SERBP1: variants seen among roughly 807,000 people sequenced by gnomAD.
SERBP1 encodes SERPINE1 mRNA binding protein 1.
In SERBP1, 6 loss-of-function variants were observed where a neutral mutation model predicts 50.2. The ratio of observed to expected loss-of-function variants is 0.12; its 90% CI spans 0.07 to 0.24. The LOEUF (loss-of-function observed/expected upper bound fraction) is 0.24. SERBP1 is among the 10% of genes least tolerant of loss of function. The pLI is 1.00. For missense variants in SERBP1, 346 were observed against 524.9 expected, an observed-to-expected ratio of 0.66 and a Z score of 3.33; for synonymous variants, 168 against 182.8, an observed-to-expected ratio of 0.92 and a Z score of 0.65.
intron 6 of SERBP1, among the ~76,000 whole-genome samples, chr1:67,419,300 C>G (rs1032594419): frequency 4.6e-5 from 7 of 152,162 alleles, no homozygotes; most frequent in Non-Finnish European, 8.8e-5. Context: ...AATGTGTTAA[C>G]TGGTTATGTT....
intron 6 of SERBP1, among the ~76,000 whole-genome samples, chr1:67,415,871 G>C (rs1284976919): frequency 6.6e-6 from 1 of 152,142 alleles, no homozygotes; most frequent in African/African-American, 2.4e-5. Context: ...AGCATTTTCT[G>C]TTAATACACA....
At chr1:67,415,885 A>G (rs1391344987) in intron 6 of SERBP1, among the ~76,000 whole-genome samples, 1 of 152,192 alleles carries the variant, frequency 6.6e-6, no homozygotes. Flanking sequence ...ATACACAACC[A>G]CTACGTTTTT....
At chr1:67,424,156 G>A in intron 5 of SERBP1, 44 bp downstream of exon 5, 1 of 1,555,748 alleles carries the variant, frequency 6.4e-7, no homozygotes. Flanking sequence ...AAACTCCAGT[G>A]CTTTCAATTC....
intron 7 of SERBP1, among the ~76,000 whole-genome samples, chr1:67,413,704 C>T (rs1402219317): frequency 1.3e-5 from 2 of 150,228 alleles, no homozygotes; most frequent in East Asian, 1.9e-4. Flanking sequence ...TGTATCAAGA[C>T]AAAATTATGG....
chr1:67,414,401 A>G (rs1435755193), intron 7 of SERBP1, among the ~76,000 whole-genome samples: 2 of 152,206 alleles, frequency 1.3e-5, no homozygotes, highest in Non-Finnish European at 2.9e-5. Context: ...GGAGGAACAA[A>G]GTATCATTAC....
At chr1:67,420,231 T>C (rs1261033747) in intron 5 of SERBP1, 45 bp from the exon 6 acceptor site, 1 of 1,373,408 alleles carries the variant, frequency 7.3e-7, no homozygotes, top group Non-Finnish European at 1.0e-6. Flanking sequence ...AGAGCTGATA[T>C]TACATAAAAG....
chr1:67,414,782 A>G (rs971963822), intron 7 of SERBP1, among the ~76,000 whole-genome samples: 2 of 152,238 alleles, frequency 1.3e-5, no homozygotes, highest in African/African-American at 4.8e-5. Flanking sequence ...AGGAATTATC[A>G]AAGTGAACAG....
chr1:67,425,292 A>T (rs1046150985), intron 2 of SERBP1, 69 bp from the exon 3 acceptor site: 6 of 1,419,126 alleles, frequency 4.2e-6, no homozygotes, highest in Non-Finnish European at 5.7e-6. Flanking sequence ...CATCCAAAAG[A>T]TCAAAAATAC....
At chr1:67,424,141 T>C in intron 5 of SERBP1, 59 bp downstream of exon 5, 1 of 1,530,332 alleles carries the variant, frequency 6.5e-7, no homozygotes, top group Non-Finnish European at 8.8e-7. Context: ...GTTATCTTAT[T>C]GGTAAAACTC....
chr1:67,430,033 C>T lies in SERBP1; in HGVS notation c.268G>A (p.Asp90Asn). Residue 90 changes from aspartate (D) to asparagine (N), a missense_variant, in exon 1 of 8, where the codon GAC becomes AAC. Asp to Asn is a conservative substitution (Grantham distance 23). Coordinates refer to ENST00000361219, the MANE Select transcript of SERBP1 (RefSeq NM_001018069.2). ...NPLPPSVGVV[D>N]KKEETQPPVA... ...GGCGGCTGCGTCTCCTCTTTCTTGT[C>T]AACCACGCCAACGCTGGGGGGCAGC... The T allele has an allele frequency of 1.2e-6, 2 of 1,612,804 alleles. No individual in the cohort carries two copies. Among genetic ancestry groups the T allele is most frequent in the Non-Finnish European group, 1.7e-6 (2 of 1,179,538 alleles).
chr1:67,414,668 C>T (rs1226216926), intron 7 of SERBP1, among the ~76,000 whole-genome samples: 1 of 152,106 alleles, frequency 6.6e-6, no homozygotes, highest in Admixed American at 6.5e-5. Flanking sequence ...CCAGCTCTCA[C>T]AGAAGAGTCT....
At chr1:67,417,290 C>T (rs182644663) in intron 6 of SERBP1, 16 of 151,908 alleles carry the variant, frequency 1.1e-4, no homozygotes, top group African/African-American at 3.4e-4. Flanking sequence ...AAGGATGACA[C>T]GCAAAACTGT....
At chr1:67,422,107 A>AT (rs1451469334) in intron 5 of SERBP1, among the ~76,000 whole-genome samples, 2 of 152,192 alleles carry the variant, frequency 1.3e-5, no homozygotes, top group Non-Finnish European at 2.9e-5. Flanking sequence ...AATACCATGT[A>AT]TTTTTATCTA....
At chr1:67,422,283 G>C (rs2100430583) in intron 5 of SERBP1, among the ~76,000 whole-genome samples, 2 of 152,228 alleles carry the variant, frequency 1.3e-5, no homozygotes, top group East Asian at 3.9e-4. Context: ...GGAGGCCAAG[G>C]AGGGCAGATC....
Position 67,415,172 on chromosome 1 carries a change from G to T in SERBP1, c.1119C>A (p.Thr373=). The stretch of plus-strand genomic sequence containing the variant: ...AAAGAAAGTCTTAAATTACCTTGTC[G>T]GTCCTGCTGCCACGGTTTGGGCGCC... ...RGGRPNRGSR[T]DKSSASAPDV... is the part of the protein sequence containing the mutation. Residue 373 remains threonine (T), a synonymous_variant, in exon 7 of 8, where the codon ACC becomes ACA. Coordinates refer to ENST00000361219, the MANE Select transcript of SERBP1 (RefSeq NM_001018069.2). 3 of 1,580,554 alleles carry T rather than the reference G, an allele frequency of 1.9e-6. No homozygotes were observed. The highest frequency in any genetic ancestry group is 2.0e-5 in the Admixed American group (1 of 51,194).
chr1:67,415,518 G>A (rs1666976244), intron 6 of SERBP1, among the ~76,000 whole-genome samples, 179 bp from the exon 7 acceptor site: 1 of 152,198 alleles, frequency 6.6e-6, no homozygotes, highest in African/African-American at 2.4e-5. Context: ...CCTGGAGGAA[G>A]ATTTTCCTGC....
chr1:67,408,712 G>A lies in SERBP1; in HGVS notation c.*4495C>T, dbSNP rs960350323. On this transcript the variant is annotated 3_prime_UTR_variant, in exon 8 of 8. Coordinates refer to ENST00000361219, the MANE Select transcript of SERBP1 (RefSeq NM_001018069.2). ...GCACAACGCAAAGGACTTACACAAAGGGATCTGAGTCACTAAATGTGAAAT... is the reference window on the plus strand; with the variant it reads ...GCACAACGCAAAGGACTTACACAAAAGGATCTGAGTCACTAAATGTGAAAT... 1 of 152,018 alleles carries A rather than the reference G, an allele frequency of 6.6e-6. No homozygotes were observed. The highest frequency in any genetic ancestry group is 1.5e-5 in the Non-Finnish European group (1 of 68,010). The allele number at this position is 152,018 out of a possible 1,614,324, so 9.4% of individuals were successfully genotyped here.
chr1:67,421,673 G>C (rs1667201726), intron 5 of SERBP1, among the ~76,000 whole-genome samples: 1 of 152,164 alleles, frequency 6.6e-6, no homozygotes, highest in South Asian at 2.1e-4. Context: ...AACAGTTGTG[G>C]TTGGACACGG....
chr1:67,425,294 C>T, intron 2 of SERBP1, 71 bp from the exon 3 acceptor site: 1 of 1,393,964 alleles, frequency 7.2e-7, no homozygotes, highest in South Asian at 1.4e-5. Context: ...TCCAAAAGAT[C>T]AAAAATACAG....
Sources: gnomAD v4.1 joint callset for allele counts (sites outside exome capture counted in the v4.1 genomes callset) on GRCh38, gnomAD v4.1.1 for gene constraint, MANE v1.5 for transcripts, NCBI Gene and HGNC (gene_info 2026-07-23, HGNC 2026-07-21) for gene names.